Variants in MYO3A observed in about 807,000 individuals in gnomAD.
MYO3A encodes myosin-IIIa.
In MYO3A, 180 loss-of-function variants were observed where a neutral mutation model predicts 192.7. The observed-to-expected ratio is 0.93, with a 90% CI of 0.83 to 1.06. The LOEUF (loss-of-function observed/expected upper bound fraction) is 1.06, where lower values mean the gene tolerates loss of function less well. Ranked by LOEUF, MYO3A falls within the 50% of genes least tolerant of loss-of-function variation. The pLI is 0.00. For synonymous variants in MYO3A, 628 were observed against 645.3 expected (o/e 0.97, Z 0.41); for missense variants, 1,896 against 1,905.0 (o/e 1.00, Z 0.09).
intron 10 of MYO3A, among the ~76,000 whole-genome samples, chr10:26,055,078 A>G (rs1588871424): frequency 6.6e-6 from 1 of 152,194 alleles, no homozygotes; most frequent in Non-Finnish European, 1.5e-5. Flanking sequence ...GCCAGGATCT[A>G]CCTAAGGCAG....
intron 4 of MYO3A, among the ~76,000 whole-genome samples, chr10:25,980,177 C>G (rs1839232813): frequency 1.3e-5 from 2 of 150,684 alleles, no homozygotes; most frequent in Admixed American, 6.6e-5. Flanking sequence ...GTGGAGCTTG[C>G]AGTGAGCCGA....
At chr10:26,064,110 T>C (rs956473442) in intron 10 of MYO3A, among the ~76,000 whole-genome samples, 3 of 151,896 alleles carry the variant, frequency 2.0e-5, no homozygotes, top group South Asian at 2.1e-4. Flanking sequence ...ATGAGGAAAA[T>C]TGGGGGAGAA....
At chr10:25,934,769 G>C (rs1420348840) in intron 1 of MYO3A, among the ~76,000 whole-genome samples, 2 of 151,392 alleles carry the variant, frequency 1.3e-5, no homozygotes, top group Non-Finnish European at 2.9e-5. Context: ...GATAGTGAGG[G>C]GGGATCTCGA....
intron 20 of MYO3A, among the ~76,000 whole-genome samples, chr10:26,138,012 G>A (rs974711934): frequency 1.3e-5 from 2 of 152,132 alleles, no homozygotes; most frequent in African/African-American, 2.4e-5. Context: ...ATCTTTGTTG[G>A]ACCCTTATCA....
chr10:26,043,799 T>G (rs1235663123), intron 10 of MYO3A, among the ~76,000 whole-genome samples: 1 of 152,214 alleles, frequency 6.6e-6, no homozygotes, highest in Non-Finnish European at 1.5e-5. Flanking sequence ...GCCCACTTAA[T>G]GCTGTATGCC....
chr10:26,053,435 G>A (rs572975472), intron 10 of MYO3A, among the ~76,000 whole-genome samples: 57 of 145,222 alleles, frequency 3.9e-4, no homozygotes, highest in African/African-American at 1.2e-3. Context: ...AACAAAACCT[G>A]TTTTCATGGA....
Position 26,211,865 on chromosome 10 carries a change from G to T in MYO3A, c.4753G>T (p.Glu1585Ter). Residue 1585 changes from glutamate (E) to a stop codon, truncating the protein, a stop_gained, in exon 35 of 35, where the codon GAG (glutamate) becomes TAG (stop). Transcript: ENST00000642920. LOFTEE classifies it high-confidence loss of function. The part of the protein sequence containing the change: ...NERCWAAESP[E>*]KEEEREPAAN... ...CAGGTGCTGGGCGGCGGAGAGCCCCGAGAAGGAGGAGGAGAGAGAGCCAGC... is the reference window on the plus strand; with the variant it reads ...CAGGTGCTGGGCGGCGGAGAGCCCCTAGAAGGAGGAGGAGAGAGAGCCAGC... 6.2e-7 allele frequency: 1 copy of T among 1,614,094 alleles called. No individual in the cohort carries two copies. Among genetic ancestry groups the T allele is most frequent in the Non-Finnish European group, 8.5e-7 (1 of 1,180,014 alleles).
chr10:26,124,326 A>T (rs1212326546), intron 18 of MYO3A, among the ~76,000 whole-genome samples: 2 of 152,278 alleles, frequency 1.3e-5, no homozygotes, highest in Admixed American at 1.3e-4. Flanking sequence ...GGCATTTTTT[A>T]AAATTATTGA....
At chr10:26,163,378 TC>T (rs1380834541) in intron 26 of MYO3A, among the ~76,000 whole-genome samples, 2 of 152,048 alleles carry the variant, frequency 1.3e-5, no homozygotes, top group Non-Finnish European at 2.9e-5. Context: ...AAAAGATAAT[TC>T]AGACAGAGCT....
At position 26,211,876 on chromosome 10, in the gene MYO3A, G is replaced by GGA; in HGVS notation, c.4772_4773dup (p.Pro1592SerfsTer64). 6.2e-7 allele frequency: 1 copy of GGA among 1,614,092 alleles called. No individual in the cohort carries two copies. Among genetic ancestry groups the GGA allele is most frequent in the Non-Finnish European group, 8.5e-7 (1 of 1,180,012 alleles). On this transcript the variant is annotated frameshift_variant, in exon 35 of 35. Transcript: ENST00000642920. LOFTEE classifies it high-confidence loss of function. ...CGGCGGAGAGCCCCGAGAAGGAGGA[G>GGA]GAGAGAGAGCCAGCAGCCAACCCCT...
intron 4 of MYO3A, among the ~76,000 whole-genome samples, chr10:25,979,995 G>A (rs1347365000): frequency 6.6e-6 from 1 of 152,218 alleles, no homozygotes; most frequent in Non-Finnish European, 1.5e-5. Context: ...CCAGCACTTT[G>A]GGAGGCCAAG....
chr10:26,045,418 T>C (rs1843587831), intron 10 of MYO3A, among the ~76,000 whole-genome samples: 1 of 135,038 alleles, frequency 7.4e-6, no homozygotes, highest in Admixed American at 7.3e-5. Flanking sequence ...AGATAGATAA[T>C]GTTCATTATG....
chr10:26,168,500 T>G (rs1234029740), intron 27 of MYO3A, among the ~76,000 whole-genome samples: 1 of 152,200 alleles, frequency 6.6e-6, no homozygotes, highest in African/African-American at 2.4e-5. Context: ...ATAAACAGCA[T>G]GGTTGTCACC....
At position 26,120,803 on chromosome 10, in the gene MYO3A, G is replaced by GT. The variant is rs1564569193; in HGVS notation, c.1903+2dup. On this transcript the variant is annotated splice_donor_variant, in intron 18 of 34. Coordinates refer to ENST00000642920, the MANE Select transcript of MYO3A (RefSeq NM_017433.5). LOFTEE classifies it high-confidence loss of function. ...TCTAATCATACAGCCCTGGAGAACT[G>GT]TAAGTTTTATTACCTTCTATTCAAA... The GT allele has an allele frequency of 1.2e-6, 2 of 1,613,972 alleles. No homozygotes were observed. Among genetic ancestry groups the GT allele is most frequent in the South Asian group, 1.1e-5 (1 of 91,078 alleles).
intron 9 of MYO3A, 141 bp from the exon 10 acceptor site, chr10:26,026,236 G>A: frequency 3.1e-6 from 3 of 975,444 alleles, no homozygotes; most frequent in East Asian, 5.3e-5. Flanking sequence ...ATTAAAAATT[G>A]CAATTAATAT....
At chr10:26,168,251 G>A (rs1692562795) in intron 27 of MYO3A, among the ~76,000 whole-genome samples, 1 of 152,086 alleles carries the variant, frequency 6.6e-6, no homozygotes, top group Admixed American at 6.5e-5. Flanking sequence ...CCTGTAACAG[G>A]TCTCAATAAC....
At chr10:25,972,023 G>T (rs1454335487) in intron 4 of MYO3A, among the ~76,000 whole-genome samples, 1 of 152,018 alleles carries the variant, frequency 6.6e-6, no homozygotes, top group African/African-American at 2.4e-5. Context: ...CTACCTGAAT[G>T]CTTCTCATTA....
chr10:26,075,573 CATAT>C (rs35076350), intron 14 of MYO3A, among the ~76,000 whole-genome samples: 140 of 140,774 alleles, frequency 9.9e-4, no homozygotes, highest in Middle Eastern at 3.8e-3. Context: ...AATAGTCTCT[CATAT>C]ATATATATAT....
rs1564513163 is a variant in MYO3A at position 26,065,603 on chromosome 10, A to AC, written c.954-1372_954-1371insC. 1.1e-4 allele frequency among the ~76,000 whole-genome samples: 7 copies of AC among 65,128 alleles called. 2 individuals carry two copies. Among genetic ancestry groups the AC allele is most frequent in the Admixed American group, 2.6e-4 (2 of 7,566 alleles). The allele number at this position is 65,128 out of a possible 152,430, so 42.7% of individuals were successfully genotyped here. A position where few individuals can be genotyped will look rare whatever the true frequency, so the allele number is the denominator to read the frequency against. ...CCATCTCCAAAAAAAAAAAAAAAAA[A>AC]AAAAAAAAAAGTATACATAATTCTT... On this transcript the variant is annotated intron_variant, in intron 10 of 34. Transcript: ENST00000642920.
Sources: allele counts gnomAD v4.1 joint callset (sites outside exome capture counted in the v4.1 genomes callset), GRCh38; gene constraint gnomAD v4.1.1; transcripts MANE v1.5; gene names NCBI Gene and HGNC (gene_info 2026-07-23, HGNC 2026-07-21).